Variants in ZCCHC4 observed in about 807,000 individuals in gnomAD.
ZCCHC4 encodes zinc finger CCHC-type containing 4, also known as rRNA N(6)-adenosine-methyltransferase ZCCHC4.
ZCCHC4 carries 54 observed loss-of-function variants against 67.7 expected under a neutral mutation model. The ratio of observed to expected loss-of-function variants is 0.80; its 90% CI spans 0.64 to 1.00. The LOEUF is 1.00. ZCCHC4 is among the 50% of genes least tolerant of loss of function. The pLI, the probability that ZCCHC4 is intolerant of heterozygous loss-of-function variation, is 0.00. For synonymous variants in ZCCHC4, 198 were observed against 213.5 expected (o/e 0.93, Z 0.63); for missense variants, 609 against 617.0 (o/e 0.99, Z 0.14).
intron 3 of ZCCHC4, among the ~76,000 whole-genome samples, chr4:25,328,860 G>A (rs1252260089): frequency 6.6e-6 from 1 of 152,180 alleles, no homozygotes; most frequent in Non-Finnish European, 1.5e-5. Context: ...TAGGATTACA[G>A]GTGTGACCCA....
chr4:25,312,892 TGC>T lies in ZCCHC4; in HGVS notation c.84_85del (p.Leu29SerfsTer39), dbSNP rs1193659279. The T allele has an allele frequency of 6.2e-6, 10 of 1,612,850 alleles. No individual in the cohort carries two copies. Among genetic ancestry groups the T allele is most frequent in the Non-Finnish European group, 7.6e-6 (9 of 1,179,982 alleles). ...CGGGGAAGCTCGGGAATGGAGGTGG[TGC>T]TTCCTTTGGATCCTGCCGTCCCCGC... is the stretch of plus-strand genomic sequence containing the variant. On this transcript the variant is annotated frameshift_variant, in exon 1 of 13. Transcript: ENST00000302874. LOFTEE classifies it high-confidence loss of function.
chr4:25,339,548 C>T (rs1719626181), intron 5 of ZCCHC4, among the ~76,000 whole-genome samples: 1 of 152,044 alleles, frequency 6.6e-6, no homozygotes, highest in African/African-American at 2.4e-5. Context: ...GCTTATAGGC[C>T]ATTTGTTTAT....
At chr4:25,320,686 G>A (rs1718537588) in intron 3 of ZCCHC4, among the ~76,000 whole-genome samples, 1 of 152,202 alleles carries the variant, frequency 6.6e-6, no homozygotes, top group Admixed American at 6.5e-5. Context: ...AGGCATAATA[G>A]TTGCTGATTA....
At chr4:25,324,253 G>A (rs1718744492) in intron 3 of ZCCHC4, among the ~76,000 whole-genome samples, 2 of 151,344 alleles carry the variant, frequency 1.3e-5, no homozygotes, top group Non-Finnish European at 2.9e-5. Flanking sequence ...CTGACCTCAT[G>A]ATCTGCCTGC....
At chr4:25,331,675 GT>G (rs1295761313) in intron 3 of ZCCHC4, among the ~76,000 whole-genome samples, 3 of 152,130 alleles carry the variant, frequency 2.0e-5, no homozygotes, top group Non-Finnish European at 4.4e-5. Context: ...GCCGAAGAGT[GT>G]TTATTGGTTC....
chr4:25,334,570 A>G (rs1719357187), intron 5 of ZCCHC4, among the ~76,000 whole-genome samples: 1 of 152,190 alleles, frequency 6.6e-6, no homozygotes, highest in South Asian at 2.1e-4. Flanking sequence ...AGAGGGAGGA[A>G]CACATCTTGA....
At chr4:25,364,962 T>C (rs1309118812) in intron 11 of ZCCHC4, 60 bp from the exon 12 acceptor site, 1 of 1,604,584 alleles carries the variant, frequency 6.2e-7, no homozygotes, top group African/African-American at 1.3e-5. Flanking sequence ...CCTTAAAAGT[T>C]AATAAGATGA....
intron 8 of ZCCHC4, among the ~76,000 whole-genome samples, chr4:25,353,089 C>T (rs1395352524): frequency 6.6e-6 from 1 of 152,174 alleles, no homozygotes; most frequent in Non-Finnish European, 1.5e-5. Context: ...AACATAGCTA[C>T]ACAATCTTTA....
chr4:25,313,501 T>G (rs1718065327), intron 1 of ZCCHC4, among the ~76,000 whole-genome samples: 1 of 152,222 alleles, frequency 6.6e-6, no homozygotes. Flanking sequence ...TAGCATTTTC[T>G]TTCTGAAGAG....
intron 3 of ZCCHC4, among the ~76,000 whole-genome samples, chr4:25,325,611 T>G (rs1332457891): frequency 6.6e-6 from 1 of 152,216 alleles, no homozygotes; most frequent in Non-Finnish European, 1.5e-5. Context: ...TTAAAATTTT[T>G]TATTAAGTTC....
intron 5 of ZCCHC4, among the ~76,000 whole-genome samples, chr4:25,338,885 C>T (rs1307847775): frequency 6.6e-6 from 1 of 152,118 alleles, no homozygotes; most frequent in Non-Finnish European, 1.5e-5. Context: ...TCCATGTGAA[C>T]ATAGGTTTTC....
At chr4:25,364,565 C>A in intron 11 of ZCCHC4, 60 bp downstream of exon 11, 1 of 1,364,014 alleles carries the variant, frequency 7.3e-7, no homozygotes, top group Non-Finnish European at 1.0e-6. Flanking sequence ...TTTTCTCCAT[C>A]TAAATAGATT....
chr4:25,366,564 C>T (rs1720960715), intron 12 of ZCCHC4, among the ~76,000 whole-genome samples: 1 of 152,172 alleles, frequency 6.6e-6, no homozygotes, highest in African/African-American at 2.4e-5. Flanking sequence ...GATCTGCCTG[C>T]CTTGGCCTCC....
At chr4:25,343,890 A>AT (rs952089870) in intron 5 of ZCCHC4, among the ~76,000 whole-genome samples, 3 of 152,064 alleles carry the variant, frequency 2.0e-5, no homozygotes, top group African/African-American at 7.2e-5. Context: ...TGTGTCTCAG[A>AT]TTTTTTTTCA....
chr4:25,344,371 C>T (rs1006117782), intron 5 of ZCCHC4, among the ~76,000 whole-genome samples: 11 of 146,842 alleles, frequency 7.5e-5, no homozygotes, highest in African/African-American at 2.8e-4. Context: ...GACAAAAAAC[C>T]AAACACCGCA....
chr4:25,332,506 ATT>A (rs1560403838), intron 3 of ZCCHC4, among the ~76,000 whole-genome samples: 1 of 152,122 alleles, frequency 6.6e-6, no homozygotes. Context: ...GACCATGATT[ATT>A]TTCTCTCTCC....
intron 12 of ZCCHC4, among the ~76,000 whole-genome samples, chr4:25,367,534 A>G (rs1371981440): frequency 6.6e-6 from 1 of 152,182 alleles, no homozygotes; most frequent in African/African-American, 2.4e-5. Context: ...TAGAGATTAT[A>G]CTATATTTCA....
intron 3 of ZCCHC4, among the ~76,000 whole-genome samples, chr4:25,316,236 A>G (rs1376561057): frequency 6.6e-6 from 1 of 152,232 alleles, no homozygotes. Context: ...GTTGATGGAC[A>G]CTTGGGCTGT....
intron 2 of ZCCHC4, 99 bp from the exon 3 acceptor site, chr4:25,315,219 G>T: frequency 2.8e-6 from 3 of 1,069,350 alleles, no homozygotes; most frequent in Non-Finnish European, 4.0e-6. Flanking sequence ...TGTTGAGTTG[G>T]TTGAATTTCT....
Sources: gnomAD v4.1 joint callset for allele counts (sites outside exome capture counted in the v4.1 genomes callset) on GRCh38, gnomAD v4.1.1 for gene constraint, MANE v1.5 for transcripts, NCBI Gene and HGNC (gene_info 2026-07-23, HGNC 2026-07-21) for gene names.